The following RRN3 variants were observed in gnomAD, a reference collection of about 807,000 sequenced individuals.
RRN3 encodes RNA polymerase I transcription factor RRN3, also known as RNA polymerase I-specific transcription initiation factor RRN3.
Under a neutral mutation model 82.3 loss-of-function variants are expected in RRN3, and 38 were observed. The observed-to-expected ratio is 0.46, with a 90% CI of 0.36 to 0.61. RRN3 has a LOEUF of 0.61. RRN3 is among the 20% of genes least tolerant of loss of function. RRN3 has a pLI of 0.00. For missense variants in RRN3, 726 were observed against 793.1 expected, an observed-to-expected ratio of 0.92 and a Z score of 1.02; for synonymous variants, 284 against 284.3, an observed-to-expected ratio of 1.00 and a Z score of 0.01.
rs763635524 is a variant in RRN3 at position 15,061,722 on chromosome 16, T to A, written c.*22A>T. On this transcript the variant is annotated 3_prime_UTR_variant, in exon 18 of 18. Coordinates refer to ENST00000198767, the MANE Select transcript of RRN3 (RefSeq NM_018427.5). ...GTGATGGGGAATCCCAAATGTCACATCTCAGTCACAAATTTCTGCCGTCAG... is the reference window on the plus strand; with the variant it reads ...GTGATGGGGAATCCCAAATGTCACAACTCAGTCACAAATTTCTGCCGTCAG... The A allele has an allele frequency of 6.3e-7, 1 of 1,597,672 alleles. No homozygotes were observed. The highest frequency in any genetic ancestry group is 1.1e-5 in the South Asian group (1 of 90,538).
intron 12 of RRN3, 22 bp from the exon 13 acceptor site, chr16:15,071,273 G>C (rs1295006991): frequency 6.3e-7 from 1 of 1,580,864 alleles, no homozygotes. Context: ...GAGGGCGTCG[G>C]TGTGATCTTT....
chr16:15,093,849 G>A (rs987174266), intron 1 of RRN3: 2 of 450,202 alleles, frequency 4.4e-6, no homozygotes, highest in Admixed American at 4.6e-5. Flanking sequence ...CGAAGAAGAG[G>A]GAAGGAAGAG....
intron 3 of RRN3, among the ~76,000 whole-genome samples, chr16:15,089,786 CAAAAAAAA>C (rs142235345): frequency 3.0e-5 from 2 of 66,576 alleles, no homozygotes. Flanking sequence ...GGCGACAGAG[CAAAAAAAA>C]AAAAAAAAAA....
At chr16:15,073,397 CAGTA>C (rs2045321111) in intron 11 of RRN3, among the ~76,000 whole-genome samples, 1 of 152,076 alleles carries the variant, frequency 6.6e-6, no homozygotes, top group Non-Finnish European at 1.5e-5. Context: ...GTCAAGGCTG[CAGTA>C]AGCCATGTTT....
intron 14 of RRN3, among the ~76,000 whole-genome samples, chr16:15,069,516 A>T (rs1444919688): frequency 6.6e-6 from 1 of 152,236 alleles, no homozygotes; most frequent in Non-Finnish European, 1.5e-5. Context: ...AACTCTTAGA[A>T]ATTAGCAAAA....
At chr16:15,068,795 C>G (rs933715275) in intron 14 of RRN3, among the ~76,000 whole-genome samples, 2 of 152,128 alleles carry the variant, frequency 1.3e-5, no homozygotes, top group African/African-American at 4.8e-5. Context: ...TAGACAGAAA[C>G]CACTTTCTTA....
At chr16:15,089,237 G>A (rs2046023685) in intron 3 of RRN3, among the ~76,000 whole-genome samples, 1 of 152,038 alleles carries the variant, frequency 6.6e-6, no homozygotes. Flanking sequence ...GTTGCAGTGA[G>A]CCAAGATCAT....
intron 15 of RRN3, among the ~76,000 whole-genome samples, chr16:15,067,072 T>A (rs2966191): frequency 7.4e-6 from 1 of 135,642 alleles, no homozygotes; most frequent in Non-Finnish European, 1.6e-5. Flanking sequence ...ACCCACTCAC[T>A]GCCGTTGCTT....
intron 17 of RRN3, 80 bp downstream of exon 17, chr16:15,063,116 G>T (rs991460951): frequency 2.7e-5 from 30 of 1,096,952 alleles, no homozygotes; most frequent in Non-Finnish European, 3.7e-5. Context: ...ACGCACGAAC[G>T]ACTTGCCACT....
chr16:15,067,248 T>C (rs1001171493), intron 15 of RRN3, among the ~76,000 whole-genome samples: 2 of 151,646 alleles, frequency 1.3e-5, no homozygotes, highest in Non-Finnish European at 2.9e-5. Flanking sequence ...CCGGCCTAAA[T>C]ATCCTCATTG....
At chr16:15,090,743 A>G (rs930983255) in intron 3 of RRN3, among the ~76,000 whole-genome samples, 5 of 152,188 alleles carry the variant, frequency 3.3e-5, no homozygotes, top group African/African-American at 1.2e-4. Flanking sequence ...CAATCTAACT[A>G]CCACTGCCAT....
At chr16:15,065,475 C>G (rs1475887671) in intron 15 of RRN3, 104 bp from the exon 16 acceptor site, 1 of 879,866 alleles carries the variant, frequency 1.1e-6, no homozygotes, top group Non-Finnish European at 1.7e-6. Flanking sequence ...AGAGAAATTG[C>G]TGAATATAAC....
rs374776471 is a variant in RRN3, at chr16:15,065,314, C to G, written c.1611G>C (p.Leu537=). 26 of 1,613,638 alleles carry G rather than the reference C, an allele frequency of 1.6e-5. No homozygotes were observed. The highest frequency in any genetic ancestry group is 8.9e-5 in the East Asian group (4 of 44,892). The change falls in exon 16 of 18, where the codon CTG becomes CTC. Residue 537 remains leucine (L), a synonymous_variant. Coordinates refer to ENST00000198767, the MANE Select transcript of RRN3 (RefSeq NM_018427.5). ...CTCCAGCGGTACTCCTAATGACTGG[C>G]AGCATCTGGCGATTGTTCCTCTCAA... The part of the protein sequence containing the change: ...TIIERNNRQM[L]PVIRSTAGGD...
At chr16:15,088,869 T>C (rs1005403884) in intron 3 of RRN3, among the ~76,000 whole-genome samples, 1 of 151,788 alleles carries the variant, frequency 6.6e-6, no homozygotes, top group African/African-American at 2.4e-5. Context: ...GTGTGGGAAA[T>C]GGACTCAATG....
chr16:15,064,482 T>C (rs1305694786), intron 16 of RRN3, among the ~76,000 whole-genome samples: 2 of 152,170 alleles, frequency 1.3e-5, no homozygotes, highest in Non-Finnish European at 2.9e-5. Flanking sequence ...GCCAATCGTT[T>C]GTTTTTCGTT....
At chr16:15,061,983 G>T (rs2044733292) in intron 17 of RRN3, 78 bp from the exon 18 acceptor site, 4 of 1,388,480 alleles carry the variant, frequency 2.9e-6, no homozygotes, top group Admixed American at 4.0e-5. Context: ...CCTCAGGAAG[G>T]TGTTAACGTT....
chr16:15,064,283 C>T (rs2044856953), intron 16 of RRN3, among the ~76,000 whole-genome samples: 1 of 152,032 alleles, frequency 6.6e-6, no homozygotes, highest in East Asian at 1.9e-4. Context: ...TCAAGAGATT[C>T]TCCTGCCTCA....
chr16:15,073,297 A>G (rs1470097290), intron 11 of RRN3, among the ~76,000 whole-genome samples: 1 of 152,158 alleles, frequency 6.6e-6, no homozygotes, highest in Non-Finnish European at 1.5e-5. Flanking sequence ...TGTCTCTACA[A>G]AAAATCAAAA....
chr16:15,073,206 C>G, intron 11 of RRN3, 126 bp from the exon 12 acceptor site: 1 of 1,093,626 alleles, frequency 9.1e-7, no homozygotes. Flanking sequence ...TGGCTCCTGC[C>G]TGCAATCCCA....
Sources: gnomAD v4.1 joint callset for allele counts (sites outside exome capture counted in the v4.1 genomes callset) on GRCh38, gnomAD v4.1.1 for gene constraint, MANE v1.5 for transcripts, NCBI Gene and HGNC (gene_info 2026-07-23, HGNC 2026-07-21) for gene names.